The following KIRREL3 variants were observed in gnomAD, a reference collection of about 807,000 sequenced individuals.
The protein encoded by KIRREL3 is kin of IRRE-like protein 3.
A neutral mutation model predicts 89.7 loss-of-function variants in KIRREL3; 36 were observed. The ratio of observed to expected loss-of-function variants is 0.40; its 90% CI spans 0.31 to 0.53. The LOEUF (loss-of-function observed/expected upper bound fraction) is 0.53, where lower values mean the gene tolerates loss of function less well. Among genes scored for constraint, KIRREL3 ranks in the 20% least tolerant of loss-of-function variants. KIRREL3 has a pLI of 0.49. For synonymous variants in KIRREL3, 445 were observed against 441.4 expected, an observed-to-expected ratio of 1.01 and a Z score of -0.10; for missense variants, 864 against 1,056.6, an observed-to-expected ratio of 0.82 and a Z score of 2.53.
chr11:126,657,739 C>T lies in KIRREL3; in HGVS notation c.56-94827G>A, dbSNP rs145280241. ...TCTGCACATGGTCTGGGTGGACCTG[C>T]GCAACTCTGATTGTGTCCATGTAGA... On this transcript the variant is annotated intron_variant, in intron 1 of 16. Transcript: ENST00000525144. 1.1e-3 allele frequency among the ~76,000 whole-genome samples: 168 copies of T among 152,294 alleles called. 3 individuals are homozygous for T. The highest frequency in any genetic ancestry group is 3.9e-3 in the African/African-American group (162 of 41,556).
At chr11:126,629,044 T>G (rs555469482) in intron 1 of KIRREL3, among the ~76,000 whole-genome samples, 203 of 152,310 alleles carry the variant, frequency 1.3e-3, no homozygotes, top group Non-Finnish European at 2.1e-3. Context: ...ATGCTTGTCT[T>G]TTTAGTTTTC....
Position 126,575,291 on chromosome 11 carries a change from C to T in KIRREL3, c.56-12379G>A, listed in dbSNP as rs1055265442. 1.3e-5 allele frequency among the ~76,000 whole-genome samples: 2 copies of T among 152,154 alleles called. No homozygotes were observed. Among genetic ancestry groups the T allele is most frequent in the African/African-American group, 4.8e-5 (2 of 41,446 alleles). On this transcript the variant is annotated intron_variant, in intron 1 of 16. Transcript: ENST00000525144. This position sits in a 1 kb window ranked among gnomAD's most constrained non-coding sequence, Gnocchi z 7.0. ...AGAAGCCAGCCTAGGAAGGTTGGAC[C>T]ATTGATCCCACAGCCCTGGGGCCTT...
rs986164532 is a variant in KIRREL3 at position 126,710,468 on chromosome 11, T to C, written c.56-147556A>G. On this transcript the variant is annotated intron_variant, in intron 1 of 16. Coordinates refer to ENST00000525144, the MANE Select transcript of KIRREL3 (RefSeq NM_032531.4). This position sits in a 1 kb window ranked among gnomAD's most constrained non-coding sequence, Gnocchi z 4.2. ...TCAATAGCATTCAAGTAACCCTTCA[T>C]GGCATGCCGAGATTCCTAATGAGAT... Among the ~76,000 whole-genome samples, 2 of 152,196 alleles carry C rather than the reference T, an allele frequency of 1.3e-5. No individual in the cohort carries two copies. Among genetic ancestry groups the C allele is most frequent in the Middle Eastern group, 3.2e-3 (1 of 316 alleles).
rs373667737 is a variant in KIRREL3, at chr11:126,686,547, G to A, written c.56-123635C>T. 3.9e-5 allele frequency among the ~76,000 whole-genome samples: 6 copies of A among 152,146 alleles called. No individual in the cohort carries two copies. Among genetic ancestry groups the A allele is most frequent in the East Asian group, 1.9e-4 (1 of 5,174 alleles). On this transcript the variant is annotated intron_variant, in intron 1 of 16. Transcript: ENST00000525144. This position sits in a 1 kb window ranked among gnomAD's most constrained non-coding sequence, Gnocchi z 4.7. ...GTGGGGAGGGACTGTGCGTTCCTGC[G>A]CATGTTACCCTACACTGAATTTTAT...
intron 1 of KIRREL3, among the ~76,000 whole-genome samples, chr11:126,713,497 A>G (rs895481128): frequency 6.6e-6 from 1 of 152,172 alleles, no homozygotes; most frequent in Non-Finnish European, 1.5e-5. Context: ...ATGGGGCAGG[A>G]GGCCATTGCA....
Position 126,828,545 on chromosome 11 carries a change from G to C in KIRREL3, c.55+171910C>G, listed in dbSNP as rs149494820. ...TGGTAAACAGCAGGACCAGGGGAGTGGGGGGCAAGACAGGTGTCAACGCAG... is the reference window on the plus strand; with the variant it reads ...TGGTAAACAGCAGGACCAGGGGAGTCGGGGGCAAGACAGGTGTCAACGCAG... On this transcript the variant is annotated intron_variant, in intron 1 of 16. Coordinates refer to ENST00000525144, the MANE Select transcript of KIRREL3 (RefSeq NM_032531.4). Among the ~76,000 whole-genome samples, 91 of 152,238 alleles carry C rather than the reference G, an allele frequency of 6.0e-4. 1 individual carries two copies. In the East Asian group the frequency reaches 0.015, roughly 26 times the overall value.
At position 126,839,860 on chromosome 11, in the gene KIRREL3, CAA is replaced by C. The variant is rs543184651; in HGVS notation, c.55+160593_55+160594del. ...ATAAATTAAATCTTATCTAAATAAA[CAA>C]GTGTCTTTTTGAACCAAAATGCAAG... On this transcript the variant is annotated intron_variant, in intron 1 of 16. Coordinates refer to ENST00000525144, the MANE Select transcript of KIRREL3 (RefSeq NM_032531.4). Among the ~76,000 whole-genome samples, 109 of 152,270 alleles carry C rather than the reference CAA, an allele frequency of 7.2e-4. No individual in the cohort carries two copies. The South Asian group carries it at 8.7e-3, about 12-fold the overall frequency.
chr11:126,820,043 A>C (rs1253492681), intron 1 of KIRREL3, among the ~76,000 whole-genome samples: 1 of 152,186 alleles, frequency 6.6e-6, no homozygotes, highest in Non-Finnish European at 1.5e-5. Context: ...TCTCTCATTC[A>C]TTCATGTAAG....
intron 1 of KIRREL3, among the ~76,000 whole-genome samples, chr11:126,910,468 A>G (rs1286188338): frequency 6.6e-6 from 1 of 152,182 alleles, no homozygotes; most frequent in Non-Finnish European, 1.5e-5. Flanking sequence ...TTTGAGGACA[A>G]AGGTCAGACT....
chr11:126,509,923 G>C (rs1266819221), intron 4 of KIRREL3, among the ~76,000 whole-genome samples: 1 of 135,566 alleles, frequency 7.4e-6, no homozygotes, highest in Non-Finnish European at 1.5e-5. Context: ...GGAGGCAGAG[G>C]TTGCAGTGAG....
chr11:126,541,121 G>C lies in KIRREL3; in HGVS notation c.134-14434C>G, dbSNP rs571912823. On this transcript the variant is annotated intron_variant, in intron 2 of 16. Coordinates refer to ENST00000525144, the MANE Select transcript of KIRREL3 (RefSeq NM_032531.4). The surrounding 1 kb of genome is among the most constrained non-coding windows in gnomAD (Gnocchi z 4.8). ...GGCGTCAGCGTGGGCACCACCAGGA[G>C]AGGCTGGAGGCTAGGTCATGGATTG... Among the ~76,000 whole-genome samples, 15 of 152,320 alleles carry C rather than the reference G, an allele frequency of 9.8e-5. No homozygotes were observed. The South Asian group carries it at 2.9e-3, about 29-fold the overall frequency.
chr11:126,749,091 CTCT>C (rs1416346538), intron 1 of KIRREL3, among the ~76,000 whole-genome samples: 2 of 152,160 alleles, frequency 1.3e-5, no homozygotes, highest in Admixed American at 1.3e-4. Context: ...CCAGTCACTC[CTCT>C]GAGCCATGAA....
Position 126,969,676 on chromosome 11 carries a change from G to C in KIRREL3, c.55+30779C>G, listed in dbSNP as rs1452724554. Among the ~76,000 whole-genome samples the C allele has an allele frequency of 1.3e-5, 2 of 152,150 alleles. No individual in the cohort carries two copies. Among genetic ancestry groups the C allele is most frequent in the East Asian group, 3.9e-4 (2 of 5,182 alleles). Reference sequence around the variant, plus strand: ...AAGGCTCGGGTGAACTGTGATGGTAGCCATGATGCTTTTCCACGCCCTTGA... The same window carrying C: ...AAGGCTCGGGTGAACTGTGATGGTACCCATGATGCTTTTCCACGCCCTTGA... On this transcript the variant is annotated intron_variant, in intron 1 of 16. Coordinates refer to ENST00000525144, the MANE Select transcript of KIRREL3 (RefSeq NM_032531.4). The surrounding 1 kb of genome is among the most constrained non-coding windows in gnomAD (Gnocchi z 4.9).
chr11:126,856,761 G>A (rs1004910439), intron 1 of KIRREL3, among the ~76,000 whole-genome samples: 6 of 151,736 alleles, frequency 4.0e-5, no homozygotes, highest in Middle Eastern at 3.4e-3. Flanking sequence ...GACTACAGGC[G>A]CCCGCCACCA....
At position 126,766,772 on chromosome 11, in the gene KIRREL3, G is replaced by T. The variant is rs2134284025; in HGVS notation, c.56-203860C>A. Among the ~76,000 whole-genome samples, 1 of 152,332 alleles carries T rather than the reference G, an allele frequency of 6.6e-6. No homozygotes were observed. The highest frequency in any genetic ancestry group is 6.5e-5 in the Admixed American group (1 of 15,304). On this transcript the variant is annotated intron_variant, in intron 1 of 16. Coordinates refer to ENST00000525144, the MANE Select transcript of KIRREL3 (RefSeq NM_032531.4). The surrounding 1 kb of genome is among the most constrained non-coding windows in gnomAD (Gnocchi z 4.2). The stretch of plus-strand genomic sequence containing the variant: ...CTTAATGATCATCTTTCTGACTGGG[G>T]ATCATAAAGTGCTGTTGATAATTGT...
chr11:126,574,784 A>G lies in KIRREL3; in HGVS notation c.56-11872T>C, dbSNP rs1343894955. On this transcript the variant is annotated intron_variant, in intron 1 of 16. Transcript: ENST00000525144. This position sits in a 1 kb window ranked among gnomAD's most constrained non-coding sequence, Gnocchi z 5.3. ...AAAATGCTGCTTATGAACCACTTCC[A>G]CCCTTGCCTACCTACTCCTGCCAAC... Among the ~76,000 whole-genome samples the G allele has an allele frequency of 1.3e-5, 2 of 152,092 alleles. No homozygotes were observed. Among genetic ancestry groups the G allele is most frequent in the East Asian group, 1.9e-4 (1 of 5,196 alleles).
At chr11:126,799,415 C>T (rs112317894) in intron 1 of KIRREL3, among the ~76,000 whole-genome samples, 19 of 470 alleles carry the variant, frequency 0.04, no homozygotes, top group South Asian at 0.1. Flanking sequence ...TCTGTGTGTG[C>T]GTCTCTGTGT....
intron 1 of KIRREL3, among the ~76,000 whole-genome samples, chr11:126,726,922 C>T (rs3926407): frequency 0.78 from 118,298 of 152,172 alleles, 46,482 homozygotes; most frequent in East Asian, 0.99. Context: ...GGCTCTTGAA[C>T]GGTTCTACCT....
chr11:126,455,630 TACA>T lies in KIRREL3; in HGVS notation c.848+716_848+718del, dbSNP rs1956310066. On this transcript the variant is annotated intron_variant, in intron 7 of 16. Transcript: ENST00000525144. The surrounding 1 kb of genome is among the most constrained non-coding windows in gnomAD (Gnocchi z 6.4). The stretch of plus-strand genomic sequence containing the variant: ...GGTGAAACGCTGTCTCTACTAAAAA[TACA>T]AAAAAAAAAAAAAATTAGCTGGCGT... Among the ~76,000 whole-genome samples, 1 of 88,446 alleles carries T rather than the reference TACA, an allele frequency of 1.1e-5. No homozygotes were observed. Among genetic ancestry groups the T allele is most frequent in the Non-Finnish European group, 2.2e-5 (1 of 45,140 alleles). The allele number at this position is 88,446 out of a possible 152,430, so 58.0% of individuals were successfully genotyped here. A position where few individuals can be genotyped will look rare whatever the true frequency, so the allele number is the denominator to read the frequency against.
Sources: allele counts gnomAD v4.1 joint callset (sites outside exome capture counted in the v4.1 genomes callset), GRCh38; gene constraint gnomAD v4.1.1; non-coding constraint Gnocchi (gnomAD v3.1); transcripts MANE v1.5; gene names NCBI Gene and HGNC (gene_info 2026-07-23, HGNC 2026-07-21).